The following ERI1 variants were observed in gnomAD, a reference collection of about 807,000 sequenced individuals.
ERI1 encodes exoribonuclease 1, also known as 3'-5' exoribonuclease 1.
Under a neutral mutation model 39.7 loss-of-function variants are expected in ERI1, and 39 were observed. That is an observed-to-expected ratio of 0.98 (90% CI 0.76 to 1.28). The LOEUF (loss-of-function observed/expected upper bound fraction) is 1.28. Among genes scored for constraint, ERI1 ranks in the 50% most tolerant of loss-of-function variants. ERI1 has a pLI of 0.00. For synonymous variants in ERI1, 204 were observed against 149.6 expected, an observed-to-expected ratio of 1.36 and a Z score of -2.65; for missense variants, 581 against 416.9, an observed-to-expected ratio of 1.39 and a Z score of -3.43.
chr8:9,082,494 G>T (rs1799400878), intron 3 of ERI1, among the ~76,000 whole-genome samples: 3 of 152,188 alleles, frequency 2.0e-5, no homozygotes, highest in Non-Finnish European at 4.4e-5. Context: ...TTTCTGGCAT[G>T]AAATCATTCT....
rs1797482866 is a variant in ERI1 at position 9,030,113 on chromosome 8, T to C, written c.*79T>C. ...GATGAATCTCATTGAATTAGTCCTGTAGTGCAAACTTTAAGCACCTTAAAA... is the reference window on the plus strand; with the variant it reads ...GATGAATCTCATTGAATTAGTCCTGCAGTGCAAACTTTAAGCACCTTAAAA... On this transcript the variant is annotated 3_prime_UTR_variant, in exon 7 of 7. Transcript: ENST00000250263. 10 of 1,558,824 alleles carry C rather than the reference T, an allele frequency of 6.4e-6. No individual in the cohort carries two copies. The highest frequency in any genetic ancestry group is 8.8e-6 in the Non-Finnish European group (10 of 1,141,596).
intron 6 of ERI1, among the ~76,000 whole-genome samples, chr8:9,023,762 C>G (rs939411112): frequency 3.1e-5 from 4 of 130,882 alleles, no homozygotes; most frequent in African/African-American, 1.1e-4. Flanking sequence ...TATGGTATGT[C>G]TAAAAACATT....
chr8:9,060,047 T>A (rs913551040), intron 3 of ERI1, among the ~76,000 whole-genome samples: 3 of 152,176 alleles, frequency 2.0e-5, no homozygotes, highest in Non-Finnish European at 4.4e-5. Flanking sequence ...CCAGTCCTTT[T>A]TAAGTTGGAG....
intron 3 of ERI1, among the ~76,000 whole-genome samples, chr8:9,051,625 C>G (rs896665078): frequency 2.0e-5 from 3 of 151,544 alleles, no homozygotes; most frequent in Non-Finnish European, 2.9e-5. Flanking sequence ...CCACTGCACT[C>G]CAGGCTGGGT....
chr8:9,087,424 TTTTTTTTTTTTG>T (rs1235621472), intron 3 of ERI1, among the ~76,000 whole-genome samples: 1 of 51,808 alleles, frequency 1.9e-5, no homozygotes, highest in African/African-American at 6.9e-5. Context: ...TTTTTTTTTT[TTTTTTTTTTTTG>T]ATTTTTAGTA....
intron 5 of ERI1, 142 bp downstream of exon 5, chr8:9,018,548 C>T (rs1171235903): frequency 5.6e-6 from 3 of 538,266 alleles, no homozygotes; most frequent in Non-Finnish European, 6.6e-6. Flanking sequence ...TTTTTCCTTT[C>T]ACCTAAGGAT....
chr8:9,035,132 G>T (rs1213198428), downstream of ERI1, among the ~76,000 whole-genome samples: 1 of 152,230 alleles, frequency 6.6e-6, no homozygotes, highest in African/African-American at 2.4e-5. Flanking sequence ...CCATAAAACA[G>T]TGCAAGGTAA....
At chr8:9,022,645 C>T (rs1050028393) in intron 6 of ERI1, among the ~76,000 whole-genome samples, 11 of 152,178 alleles carry the variant, frequency 7.2e-5, no homozygotes, top group African/African-American at 2.7e-4. Context: ...AATGATCTGC[C>T]CGCCTCGGCC....
chr8:9,036,217 T>G (rs1284981457), downstream of ERI1, among the ~76,000 whole-genome samples: 1 of 152,232 alleles, frequency 6.6e-6, no homozygotes, highest in East Asian at 1.9e-4. Flanking sequence ...CCTCTAATTT[T>G]GAAAGAAGGT....
rs888186790 is a variant in ERI1 at position 9,030,215 on chromosome 8, C to A, written c.*181C>A. ...ATTTTGTAGGAAGGCATACTGAATT[C>A]TTTGTCACCAGCACTTTTGATATGA... On this transcript the variant is annotated 3_prime_UTR_variant, in exon 7 of 7. Transcript: ENST00000250263. 1.3e-6 allele frequency: 1 copy of A among 749,674 alleles called. No homozygotes were observed. Among genetic ancestry groups the A allele is most frequent in the Non-Finnish European group, 2.1e-6 (1 of 477,712 alleles). 46.4% of individuals were successfully genotyped at this position (749,674 alleles called of 1,614,324 possible). A position where few individuals can be genotyped will look rare whatever the true frequency, so the allele number is the denominator to read the frequency against.
At chr8:9,076,628 A>G (rs1799219728) in intron 3 of ERI1, among the ~76,000 whole-genome samples, 1 of 152,240 alleles carries the variant, frequency 6.6e-6, no homozygotes, top group African/African-American at 2.4e-5. Flanking sequence ...TGCCTTTGGT[A>G]ATACCATGTG....
At chr8:9,088,265 A>G (rs1799590037) in intron 3 of ERI1, among the ~76,000 whole-genome samples, 1 of 151,688 alleles carries the variant, frequency 6.6e-6, no homozygotes, top group Non-Finnish European at 1.5e-5. Flanking sequence ...GCCTCTGTAA[A>G]TTAAAAAAAA....
intron 3 of ERI1, among the ~76,000 whole-genome samples, chr8:9,081,461 T>C (rs1799361883): frequency 6.6e-6 from 1 of 152,298 alleles, no homozygotes; most frequent in African/African-American, 2.4e-5. Context: ...CAATAAATTA[T>C]TATTTTTTTA....
At chr8:9,059,892 G>T (rs1798635283) in intron 3 of ERI1, among the ~76,000 whole-genome samples, 1 of 152,182 alleles carries the variant, frequency 6.6e-6, no homozygotes, top group Non-Finnish European at 1.5e-5. Context: ...GTTTTCTGGG[G>T]CACAGTCCAA....
At chr8:9,006,349 A>G (rs1440965533) in intron 1 of ERI1, among the ~76,000 whole-genome samples, 1 of 152,198 alleles carries the variant, frequency 6.6e-6, no homozygotes, top group African/African-American at 2.4e-5. Context: ...TATAGCATCT[A>G]TAGAAGAGGC....
chr8:9,094,839 G>A (rs975564850), intron 3 of ERI1, among the ~76,000 whole-genome samples: 1 of 152,120 alleles, frequency 6.6e-6, no homozygotes, highest in Non-Finnish European at 1.5e-5. Flanking sequence ...ATTAAGATTG[G>A]AGAGATTTTT....
rs563795355 is a variant in ERI1 at position 9,084,972 on chromosome 8, C to T, written n.300-31376C>T. On this transcript the variant is annotated intron_variant and non_coding_transcript_variant, in intron 3 of 3. Coordinates refer to the ERI1 transcript ENST00000518663. ...TAGCAGTCGTTTCCAAAATGTAATC[C>T]CCCCTGCATCCCCCTCCAGCCCACC... Among the ~76,000 whole-genome samples, 4 of 152,070 alleles carry T rather than the reference C, an allele frequency of 2.6e-5. No homozygotes were observed. In the East Asian group the frequency reaches 5.8e-4, roughly 22 times the overall value.
intron 3 of ERI1, among the ~76,000 whole-genome samples, chr8:9,090,613 A>C (rs1444976377): frequency 6.6e-6 from 1 of 152,216 alleles, no homozygotes; most frequent in African/African-American, 2.4e-5. Context: ...TTAAAAGTTT[A>C]AATAGGACAA....
intron 3 of ERI1, among the ~76,000 whole-genome samples, chr8:9,049,336 C>CAAAAAAAAAA (rs3989371): frequency 9.0e-5 from 3 of 33,228 alleles, no homozygotes; most frequent in African/African-American, 1.1e-4. Flanking sequence ...ACTCCGTCTC[C>CAAAAAAAAAA]AAAAAAAAAA....
Sources: gnomAD v4.1 joint callset for allele counts (sites outside exome capture counted in the v4.1 genomes callset) on GRCh38, gnomAD v4.1.1 for gene constraint, MANE v1.5 for transcripts, NCBI Gene and HGNC (gene_info 2026-07-23, HGNC 2026-07-21) for gene names.